The following CERS5 variants were observed in gnomAD, a reference collection of about 807,000 sequenced individuals.
The protein encoded by CERS5 is LAG1 homolog, ceramide synthase 5.
CERS5 carries 37 observed loss-of-function variants against 58.9 expected under a neutral mutation model. The ratio of observed to expected loss-of-function variants is 0.63; its 90% CI spans 0.48 to 0.83. CERS5 has a LOEUF of 0.83. CERS5 is among the 40% of genes least tolerant of loss of function. CERS5 has a pLI of 0.00. For synonymous variants in CERS5, 147 were observed against 177.8 expected (o/e 0.83, Z 1.38); for missense variants, 398 against 489.3 (o/e 0.81, Z 1.76).
intron 1 of CERS5, 81 bp downstream of exon 1, chr12:50,167,020 C>T: frequency 8.6e-7 from 1 of 1,160,874 alleles, no homozygotes; most frequent in Non-Finnish European, 1.2e-6. Flanking sequence ...TGCAGTTCTG[C>T]TTCCGGCCCT....
At chr12:50,133,816 G>A (rs1265593862) in intron 9 of CERS5, 4 of 976,910 alleles carry the variant, frequency 4.1e-6, no homozygotes, top group Non-Finnish European at 3.6e-6. Flanking sequence ...GCTCACGCCT[G>A]TAATCCCAGC....
chr12:50,162,184 C>CTTTTTTTTTTTTTTTTTTTTTTTTTTTT (rs75460499), intron 1 of CERS5, among the ~76,000 whole-genome samples: 1 of 129,368 alleles, frequency 7.7e-6, no homozygotes, highest in Non-Finnish European at 1.6e-5. Context: ...CTGATTTGTT[C>CTTTTTTTTTTTTTTTTTTTTTTTTTTTT]TTTTTTTTTT....
At position 50,130,557 on chromosome 12, in the gene CERS5, C is replaced by T; in HGVS notation, c.1167G>A (p.Trp389Ter). Residue 389 changes from tryptophan to a stop codon, truncating the protein, a stop_gained, in exon 10 of 10, where the codon TGG becomes TGA. Coordinates refer to ENST00000317551, the MANE Select transcript of CERS5 (RefSeq NM_147190.5). LOFTEE classifies it high-confidence loss of function. ...TATAGCAACCACCTTACTCTTCAGCCCAGTAGCTGCCTCCCATGTGACCAT... is the reference window on the plus strand; with the variant it reads ...TATAGCAACCACCTTACTCTTCAGCTCAGTAGCTGCCTCCCATGTGACCAT... ...RVNGHMGGSY[W>*]AEE The T allele has an allele frequency of 6.2e-7, 1 of 1,606,382 alleles. No individual in the cohort carries two copies. Among genetic ancestry groups the T allele is most frequent in the Non-Finnish European group, 8.5e-7 (1 of 1,173,788 alleles).
chr12:50,150,190 T>A (rs1937800367), intron 1 of CERS5, among the ~76,000 whole-genome samples: 1 of 152,054 alleles, frequency 6.6e-6, no homozygotes, highest in South Asian at 2.1e-4. Flanking sequence ...TGAGACCCCG[T>A]CTCTACAAAA....
intron 1 of CERS5, among the ~76,000 whole-genome samples, chr12:50,156,191 G>A (rs1418024881): frequency 1.3e-5 from 2 of 149,336 alleles, no homozygotes; most frequent in African/African-American, 4.9e-5. Flanking sequence ...CACAAGGTCA[G>A]GAGATCGAGA....
intron 9 of CERS5, among the ~76,000 whole-genome samples, chr12:50,132,425 A>ATT (rs1369204792): frequency 1.7e-5 from 1 of 59,806 alleles, no homozygotes; most frequent in African/African-American, 9.1e-5. Context: ...ATAAAAATTA[A>ATT]AAAAAAAAAA....
In CERS5 at chr12:50,149,899, T is replaced by G. The variant is rs575958410; in HGVS notation, c.198-5842A>C. On this transcript the variant is annotated intron_variant, in intron 1 of 9. Transcript: ENST00000317551. ...CTGGGACTACAGGCGTGCACCACCATGCCCAGCTAATTTTTGTATTTTTAG... is the reference window on the plus strand; with the variant it reads ...CTGGGACTACAGGCGTGCACCACCAGGCCCAGCTAATTTTTGTATTTTTAG... Among the ~76,000 whole-genome samples the G allele has an allele frequency of 3.9e-5, 6 of 152,180 alleles. No individual in the cohort carries two copies. The East Asian group carries it at 9.7e-4, about 25-fold the overall frequency.
At chr12:50,141,954 AAAAAG>A (rs1592364274) in intron 4 of CERS5, 94 bp downstream of exon 4, 6 of 764,878 alleles carry the variant, frequency 7.8e-6, no homozygotes, top group East Asian at 5.8e-5. Flanking sequence ...AAAAAAAAAA[AAAAAG>A]AAAAGAAAAA....
At chr12:50,143,402 T>C in intron 2 of CERS5, 198 bp from the exon 3 acceptor site, 1 of 507,732 alleles carries the variant, frequency 2.0e-6, no homozygotes, top group South Asian at 3.1e-5. Flanking sequence ...CCTATACATA[T>C]CCTTTTGTCT....
intron 8 of CERS5, 65 bp from the exon 9 acceptor site, chr12:50,134,767 G>T: frequency 6.8e-7 from 1 of 1,470,316 alleles, no homozygotes; most frequent in Non-Finnish European, 9.3e-7. Flanking sequence ...ATGAAGCTGA[G>T]TCCTGGGGAT....
At chr12:50,130,804 G>A in intron 9 of CERS5, 110 bp from the exon 10 acceptor site, 1 of 917,970 alleles carries the variant, frequency 1.1e-6, no homozygotes, top group South Asian at 1.9e-5. Flanking sequence ...GCTTTCTGAT[G>A]ACATCTAACT....
In CERS5 at chr12:50,133,021, A is replaced by C. The variant is rs1452198072; in HGVS notation, c.1029+1525T>G. The C allele has an allele frequency of 2.3e-6, 3 of 1,289,032 alleles. No individual in the cohort carries two copies. In the African/African-American group the frequency reaches 4.6e-5, roughly 20 times the overall value. 79.8% of individuals were successfully genotyped at this position (1,289,032 alleles called of 1,614,324 possible). On this transcript the variant is annotated intron_variant, in intron 9 of 9. Transcript: ENST00000317551. ...CATAGAAAAAAGGAAGGAGGTGAGG[A>C]AAGAGTGGAGAGTACAGGGTCTAAT...
chr12:50,153,717 G>C, intron 1 of CERS5: 1 of 263,516 alleles, frequency 3.8e-6, no homozygotes, highest in South Asian at 3.1e-5. Flanking sequence ...CACTTTGGGA[G>C]GCTGAGGCAG....
chr12:50,150,655 A>G (rs1419642914), intron 1 of CERS5, among the ~76,000 whole-genome samples: 1 of 152,194 alleles, frequency 6.6e-6, no homozygotes, highest in Non-Finnish European at 1.5e-5. Flanking sequence ...CAACATCAGC[A>G]TAAAAGGTGA....
intron 1 of CERS5, among the ~76,000 whole-genome samples, chr12:50,149,267 A>T (rs1759582867): frequency 6.6e-6 from 1 of 152,126 alleles, no homozygotes; most frequent in South Asian, 2.1e-4. Context: ...GATTTTAGTA[A>T]GTAGGCATTT....
At position 50,164,712 on chromosome 12, in the gene CERS5, A is replaced by G. The variant is rs182591608; in HGVS notation, c.197+2389T>C. On this transcript the variant is annotated intron_variant, in intron 1 of 9. Coordinates refer to ENST00000317551, the MANE Select transcript of CERS5 (RefSeq NM_147190.5). ...ACTGGAGCACCATAGAAACACTCAG[A>G]TAGAATTCCCACAGGTAAAGGATCC... Among the ~76,000 whole-genome samples, 281 of 152,236 alleles carry G rather than the reference A, an allele frequency of 1.8e-3. 1 individual carries two copies. Among genetic ancestry groups the G allele is most frequent in the African/African-American group, 6.6e-3 (275 of 41,544 alleles).
At chr12:50,148,946 A>ATATATATATATATATATATG (rs1420401358) in intron 1 of CERS5, among the ~76,000 whole-genome samples, 21 of 103,120 alleles carry the variant, frequency 2.0e-4, no homozygotes, top group Non-Finnish European at 3.1e-4. Flanking sequence ...ATATATATAT[A>ATATATATATATATATATATG]TGTGTGTGTG....
intron 1 of CERS5, among the ~76,000 whole-genome samples, chr12:50,153,198 T>C (rs1473010963): frequency 6.6e-6 from 1 of 151,796 alleles, no homozygotes; most frequent in African/African-American, 2.4e-5. Flanking sequence ...TTACCTGCCT[T>C]TCAGCCTGAC....
chr12:50,144,146 C>G, intron 1 of CERS5, 89 bp from the exon 2 acceptor site: 1 of 754,822 alleles, frequency 1.3e-6, no homozygotes, highest in Non-Finnish European at 2.3e-6. Context: ...TTATGGGGTA[C>G]AATGTGATGT....
Sources: gnomAD v4.1 joint callset for allele counts (sites outside exome capture counted in the v4.1 genomes callset) on GRCh38, gnomAD v4.1.1 for gene constraint, MANE v1.5 for transcripts, NCBI Gene and HGNC (gene_info 2026-07-23, HGNC 2026-07-21) for gene names.